TTC34: variants seen among roughly 807,000 people sequenced by gnomAD.
TTC34 encodes tetratricopeptide repeat domain 34, also known as tetratricopeptide repeat protein 34.
A neutral mutation model predicts 40.7 loss-of-function variants in TTC34; 44 were observed. That is an observed-to-expected ratio of 1.08 (90% confidence interval 0.85 to 1.39). TTC34 has a LOEUF of 1.39. Among genes scored for constraint, TTC34 ranks in the 40% most tolerant of loss-of-function variants. TTC34 has a pLI of 0.00. For synonymous variants in TTC34, 422 were observed against 398.6 expected, an observed-to-expected ratio of 1.06 and a Z score of -0.70; for missense variants, 884 against 838.0, an observed-to-expected ratio of 1.05 and a Z score of -0.68.
intron 6 of TTC34, among the ~76,000 whole-genome samples, chr1:2,783,068 C>A (rs915417109): frequency 6.6e-6 from 1 of 152,214 alleles, no homozygotes; most frequent in Non-Finnish European, 1.5e-5. Flanking sequence ...TAAATTGGAG[C>A]AGTTCCTGCA....
intron 6 of TTC34, among the ~76,000 whole-genome samples, chr1:2,778,590 C>T (rs1309621152): frequency 2.6e-5 from 4 of 152,214 alleles, no homozygotes; most frequent in African/African-American, 9.6e-5. Flanking sequence ...TCCTGCCCCT[C>T]CTGCATTCAC....
intron 6 of TTC34, among the ~76,000 whole-genome samples, chr1:2,761,211 C>A (rs1305578506): frequency 3.1e-5 from 1 of 31,874 alleles, no homozygotes; most frequent in South Asian, 2.8e-3. Flanking sequence ...CACGCCCAGG[C>A]GAGGATGCGA....
At chr1:2,638,860 C>CT (rs1638842157) in exon 9 of TTC34, 1 of 152,340 alleles carries the variant, frequency 6.6e-6, no homozygotes, top group East Asian at 1.9e-4. Context: ...ACGGGCATGT[C>CT]TTTGTCTATC....
chr1:2,643,461 C>T (rs897557284), intron 8 of TTC34, among the ~76,000 whole-genome samples: 2 of 152,330 alleles, frequency 1.3e-5, no homozygotes, highest in African/African-American at 4.8e-5. Context: ...CCTCTGGGCT[C>T]CGGGACCATG....
intron 3 of TTC34, among the ~76,000 whole-genome samples, chr1:2,788,458 C>T (rs1370375470): frequency 2.0e-5 from 3 of 150,940 alleles, no homozygotes; most frequent in Admixed American, 6.6e-5. Context: ...TTGGGGTGGA[C>T]GCTGACATCA....
chr1:2,764,247 G>C (rs1354276187), intron 6 of TTC34, among the ~76,000 whole-genome samples: 5 of 150,142 alleles, frequency 3.3e-5, no homozygotes, highest in Admixed American at 6.6e-5. Context: ...TGACAGCCTG[G>C]AGCAGCACGC....
chr1:2,782,251 T>G (rs997697558), intron 6 of TTC34, among the ~76,000 whole-genome samples: 1 of 152,222 alleles, frequency 6.6e-6, no homozygotes. Flanking sequence ...TTCTAGGGAT[T>G]TGTCCATTTC....
At chr1:2,644,580 C>A in intron 7 of TTC34, 102 bp from the exon 8 acceptor site, 1 of 1,230,086 alleles carries the variant, frequency 8.1e-7, no homozygotes. Flanking sequence ...TGCTGGCTTG[C>A]GGGGAGCTGA....
Position 2,645,665 on chromosome 1 carries a change from T to G in TTC34, c.2227-102A>C. 1.6e-6 allele frequency: 2 copies of G among 1,266,482 alleles called. No individual in the cohort carries two copies. Among genetic ancestry groups the G allele is most frequent in the Non-Finnish European group, 2.1e-6 (2 of 965,692 alleles). The allele number at this position is 1,266,482 out of a possible 1,614,324, so 78.5% of individuals were successfully genotyped here. On this transcript the variant is annotated intron_variant, in intron 6 of 8. Transcript: ENST00000401095. The surrounding 1 kb of genome is among the most constrained non-coding windows in gnomAD (Gnocchi z 4.7). The stretch of plus-strand genomic sequence containing the variant: ...TGGCTCTGTCTTTCTCATTCCCTGA[T>G]CTTCTCCCTGGGGTCCTAGAGGGTC...
rs1306106361 is a variant in TTC34, at chr1:2,694,839, T to C, written c.2227-49276A>G. 7.6e-5 allele frequency among the ~76,000 whole-genome samples: 5 copies of C among 66,206 alleles called. 2 individuals carry two copies. The highest frequency in any genetic ancestry group is 3.8e-4 in the East Asian group (1 of 2,604). 43.4% of individuals were successfully genotyped at this position (66,206 alleles called of 152,430 possible). A position where few individuals can be genotyped will look rare whatever the true frequency, so the allele number is the denominator to read the frequency against. On this transcript the variant is annotated intron_variant, in intron 6 of 8. Coordinates refer to ENST00000401095, the Ensembl canonical transcript of TTC34. ...CTGGAACGACACCCACACCCCCAGG[T>C]GAGCATCTGATGGTCTGGAGCAGCA...
At chr1:2,769,604 T>C (rs1435337088) in intron 6 of TTC34, among the ~76,000 whole-genome samples, 2 of 123,010 alleles carry the variant, frequency 1.6e-5, no homozygotes, top group Non-Finnish European at 3.2e-5. Flanking sequence ...AGGGGGAGCA[T>C]CTGACAGCCT....
rs1165825478 is a variant in TTC34 at position 2,796,123 on chromosome 1, C to A, written c.784+3921G>T. Among the ~76,000 whole-genome samples the A allele has an allele frequency of 6.6e-6, 1 of 152,184 alleles. No individual in the cohort carries two copies. Among genetic ancestry groups the A allele is most frequent in the Non-Finnish European group, 1.5e-5 (1 of 68,034 alleles). ...AGCATTCAAGGCGCCATCTTGGAAT[C>A]CGAATCCCCAAGCCTGTTGGGGCCT... On this transcript the variant is annotated intron_variant, in intron 2 of 8. Coordinates refer to ENST00000401095, the Ensembl canonical transcript of TTC34. The surrounding 1 kb of genome is among the most constrained non-coding windows in gnomAD (Gnocchi z 4.5).
intron 6 of TTC34, among the ~76,000 whole-genome samples, chr1:2,655,454 C>A (rs1570761425): frequency 3.3e-5 from 4 of 121,442 alleles, no homozygotes; most frequent in South Asian, 2.8e-4. Context: ...GCACCCACAC[C>A]CCCAGGTGAG....
At chr1:2,749,016 C>T (rs1641233100) in intron 6 of TTC34, among the ~76,000 whole-genome samples, 43 of 51,024 alleles carry the variant, frequency 8.4e-4, no homozygotes, top group Middle Eastern at 0.017. Context: ...AGGTGAGCAT[C>T]TGACAGCCTG....
intron 3 of TTC34, among the ~76,000 whole-genome samples, chr1:2,789,201 T>A (rs1356434970): frequency 2.6e-5 from 4 of 152,180 alleles, no homozygotes; most frequent in African/African-American, 9.7e-5. Context: ...GGAATCGTCA[T>A]GACCTATTGA....
chr1:2,750,928 T>G (rs1450824767), intron 6 of TTC34, among the ~76,000 whole-genome samples: 1 of 11,364 alleles, frequency 8.8e-5, no homozygotes, highest in Non-Finnish European at 1.6e-4. Flanking sequence ...CACCCACACC[T>G]TCAGGCGAGC....
At chr1:2,791,555 C>G (rs1462415704) in intron 2 of TTC34, among the ~76,000 whole-genome samples, 2 of 152,166 alleles carry the variant, frequency 1.3e-5, no homozygotes, top group Admixed American at 6.5e-5. Flanking sequence ...CGGTAAGCGC[C>G]GAGTCCAGCA....
intron 6 of TTC34, among the ~76,000 whole-genome samples, chr1:2,693,902 CACA>C (rs1640741536): frequency 1.6e-5 from 2 of 128,386 alleles, no homozygotes; most frequent in African/African-American, 6.1e-5. Context: ...GAACAGCACC[CACA>C]TGCCCAGCTG....
intron 2 of TTC34, among the ~76,000 whole-genome samples, chr1:2,791,523 G>T (rs1025976909): frequency 6.6e-6 from 1 of 152,152 alleles, no homozygotes; most frequent in Non-Finnish European, 1.5e-5. Context: ...AAGCCGCTGC[G>T]GTCACTGCCC....
Sources: gnomAD v4.1 joint callset for allele counts (sites outside exome capture counted in the v4.1 genomes callset) on GRCh38, gnomAD v4.1.1 for gene constraint, Gnocchi (gnomAD v3.1) non-coding constraint, MANE v1.5 for transcripts, NCBI Gene and HGNC (gene_info 2026-07-23, HGNC 2026-07-21) for gene names.